Variants in CTNNA2 observed in about 807,000 individuals in gnomAD.
CTNNA2 encodes the protein catenin alpha 2.
In CTNNA2, 42 loss-of-function variants were observed where a neutral mutation model predicts 101.0. The ratio of observed to expected loss-of-function variants is 0.42; its 90% CI spans 0.32 to 0.54. The LOEUF (loss-of-function observed/expected upper bound fraction) is 0.54. CTNNA2 is among the 20% of genes least tolerant of loss of function. The pLI is 0.14. For missense variants in CTNNA2, 871 were observed against 1,223.1 expected, an observed-to-expected ratio of 0.71 and a Z score of 4.29; for synonymous variants, 450 against 456.4, an observed-to-expected ratio of 0.99 and a Z score of 0.18.
intron 1 of CTNNA2, among the ~76,000 whole-genome samples, chr2:79,614,868 G>A (rs928920234): frequency 3.3e-5 from 5 of 152,144 alleles, no homozygotes; most frequent in Non-Finnish European, 7.4e-5. Flanking sequence ...AATTGATAAT[G>A]TATATGAATT....
chr2:80,131,237 TTA>T, intron 7 of CTNNA2, among the ~76,000 whole-genome samples: 1 of 152,224 alleles, frequency 6.6e-6, no homozygotes, highest in South Asian at 2.1e-4. Flanking sequence ...TTTTGTATAT[TTA>T]GTAGACACGA....
chr2:79,363,790 T>A (rs1338695915), intron 3 of CTNNA2, among the ~76,000 whole-genome samples: 2 of 152,164 alleles, frequency 1.3e-5, no homozygotes, highest in Admixed American at 6.5e-5. Flanking sequence ...GCAAACGAAT[T>A]ATACAGCACA....
chr2:79,756,146 C>T (rs1327222592), intron 3 of CTNNA2, among the ~76,000 whole-genome samples: 3 of 151,500 alleles, frequency 2.0e-5, no homozygotes, highest in African/African-American at 7.3e-5. Context: ...TATTCTTTCA[C>T]CTGACCTCTC....
At chr2:79,627,729 A>C (rs369812352) in intron 1 of CTNNA2, among the ~76,000 whole-genome samples, 1 of 152,220 alleles carries the variant, frequency 6.6e-6, no homozygotes, top group East Asian at 1.9e-4. Context: ...TTGCATAAGT[A>C]AATCCTGGTT....
At chr2:79,249,320 C>T (rs1010562437) in intron 2 of CTNNA2, among the ~76,000 whole-genome samples, 1 of 152,326 alleles carries the variant, frequency 6.6e-6, no homozygotes, top group South Asian at 2.1e-4. Flanking sequence ...ATTTCCCCCA[C>T]ATACTATCTA....
chr2:79,463,239 C>T (rs1670898079), intron 4 of CTNNA2, among the ~76,000 whole-genome samples: 1 of 151,968 alleles, frequency 6.6e-6, no homozygotes, highest in Non-Finnish European at 1.5e-5. Flanking sequence ...TGGTGAAACC[C>T]TGTCTCTAAA....
chr2:80,114,845 G>C (rs992852655), intron 7 of CTNNA2, among the ~76,000 whole-genome samples: 1 of 152,114 alleles, frequency 6.6e-6, no homozygotes, highest in African/African-American at 2.4e-5. Flanking sequence ...TTGCTCCATG[G>C]TTTCCATCAA....
At chr2:79,883,724 A>G (rs559497569) in intron 6 of CTNNA2, among the ~76,000 whole-genome samples, 1 of 152,334 alleles carries the variant, frequency 6.6e-6, no homozygotes, top group Non-Finnish European at 1.5e-5. Flanking sequence ...AAAAGAGAGT[A>G]TACCATATCT....
intron 3 of CTNNA2, among the ~76,000 whole-genome samples, chr2:79,759,942 C>T (rs539304152): frequency 1.3e-5 from 2 of 152,256 alleles, no homozygotes; most frequent in East Asian, 3.9e-4. Context: ...TCATTCCTCA[C>T]ATCCAAAGCC....
intron 7 of CTNNA2, among the ~76,000 whole-genome samples, chr2:80,285,398 A>G (rs1180035047): frequency 6.6e-6 from 1 of 152,194 alleles, no homozygotes; most frequent in Non-Finnish European, 1.5e-5. Flanking sequence ...TAATGTCTTA[A>G]TAAAAGTCAG....
chr2:79,241,274 G>A (rs549316736), intron 2 of CTNNA2, among the ~76,000 whole-genome samples: 29 of 152,172 alleles, frequency 1.9e-4, no homozygotes, highest in African/African-American at 6.0e-4. Context: ...ACCTCATATG[G>A]CAATTGAAGA....
intron 2 of CTNNA2, among the ~76,000 whole-genome samples, chr2:79,235,798 C>T (rs1674548403): frequency 6.6e-6 from 1 of 152,190 alleles, no homozygotes; most frequent in Non-Finnish European, 1.5e-5. Context: ...TTGCACCTGC[C>T]TGATGAGTTC....
At chr2:79,512,713 G>A (rs1304147491), upstream of CTNNA2, among the ~76,000 whole-genome samples, 3 of 151,660 alleles carry the variant, frequency 2.0e-5, no homozygotes, top group Non-Finnish European at 4.4e-5. Context: ...CCCCTTCGCC[G>A]CCGTCCCCTC....
At chr2:79,664,706 T>C (rs13004033) in intron 2 of CTNNA2, among the ~76,000 whole-genome samples, 2 of 21,640 alleles carry the variant, frequency 9.2e-5, no homozygotes, top group Non-Finnish European at 1.8e-4. Flanking sequence ...CACATTCTTC[T>C]TTTTTTTTTT....
intron 3 of CTNNA2, among the ~76,000 whole-genome samples, chr2:79,854,535 C>T (rs1260051141): frequency 1.3e-5 from 2 of 152,192 alleles, no homozygotes; most frequent in Non-Finnish European, 2.9e-5. Context: ...GTCAATGTGA[C>T]TTTGTTTATC....
chr2:79,199,888 G>T (rs550065014), intron 2 of CTNNA2, among the ~76,000 whole-genome samples: 1 of 152,274 alleles, frequency 6.6e-6, no homozygotes, highest in South Asian at 2.1e-4. Context: ...AAGATTGTGT[G>T]ATGTACCATA....
intron 4 of CTNNA2, among the ~76,000 whole-genome samples, chr2:79,479,696 G>A (rs1236985847): frequency 1.3e-5 from 2 of 152,110 alleles, no homozygotes; most frequent in East Asian, 1.9e-4. Flanking sequence ...GCCGAGGCGG[G>A]CGGATTGCCT....
intron 7 of CTNNA2, among the ~76,000 whole-genome samples, chr2:80,383,780 A>T (rs1676738195): frequency 6.6e-6 from 1 of 152,200 alleles, no homozygotes; most frequent in Admixed American, 6.5e-5. Flanking sequence ...CAAGAAAAAA[A>T]AAAATTACCA....
At chr2:80,588,833 A>G (rs924060899) in intron 14 of CTNNA2, among the ~76,000 whole-genome samples, 1 of 152,056 alleles carries the variant, frequency 6.6e-6, no homozygotes, top group Non-Finnish European at 1.5e-5. Flanking sequence ...AAGTAGCCCC[A>G]TCCTCCCCCA....
Sources: gnomAD v4.1 joint callset for allele counts (sites outside exome capture counted in the v4.1 genomes callset) on GRCh38, gnomAD v4.1.1 for gene constraint, MANE v1.5 for transcripts, NCBI Gene and HGNC (gene_info 2026-07-23, HGNC 2026-07-21) for gene names.